Variants in SCAF8 observed in about 807,000 individuals in gnomAD.
SCAF8 encodes SR-related and CTD-associated factor 8.
SCAF8 carries 23 observed loss-of-function variants against 140.5 expected under a neutral mutation model. That is an observed-to-expected ratio of 0.16 (90% CI 0.12 to 0.23). The LOEUF is 0.23. Ranked by LOEUF, SCAF8 falls within the 10% of genes least tolerant of loss-of-function variation. The pLI, the probability that SCAF8 is intolerant of heterozygous loss-of-function variation, is 1.00. For synonymous variants in SCAF8, 575 were observed against 528.9 expected (o/e 1.09, Z -1.20); for missense variants, 1,397 against 1,555.7 (o/e 0.90, Z 1.72).
chr6:154,814,193 C>T lies in SCAF8; in HGVS notation c.1421-1523C>T, dbSNP rs561770558. ...AACAAAAATTAGCTGAGCATGATGA[C>T]GCACACCTGTAGTCCCAGTTACTCG... On this transcript the variant is annotated intron_variant, in intron 12 of 19. Coordinates refer to ENST00000367178, the MANE Select transcript of SCAF8 (RefSeq NM_014892.5). Among the ~76,000 whole-genome samples, 29 of 152,246 alleles carry T rather than the reference C, an allele frequency of 1.9e-4. 1 individual carries two copies. The South Asian group carries it at 5.8e-3, about 30-fold the overall frequency.
chr6:154,810,170 A>G lies in SCAF8; in HGVS notation c.1382A>G (p.Lys461Arg), dbSNP rs1177864836. 2.5e-6 allele frequency: 4 copies of G among 1,613,160 alleles called. No homozygotes were observed. Among genetic ancestry groups the G allele is most frequent in the Non-Finnish European group, 3.4e-6 (4 of 1,179,702 alleles). The stretch of plus-strand genomic sequence containing the variant: ...AGAGAAAGGGAGAAAGAACGACAGA[A>G]AAAGGGATTACCTCCAATTAGATCT... ...RAREREKERQKKGLPPIRSKT... is the reference protein window; with the variant it reads ...RAREREKERQRKGLPPIRSKT... Residue 461 changes from lysine (K) to arginine (R), a missense_variant, in exon 12 of 20, where the codon AAA becomes AGA. Physicochemically the swap from Lys to Arg is conservative, Grantham distance 26. Transcript: ENST00000367178.
chr6:154,768,272 G>A (rs1776639050), intron 1 of SCAF8, among the ~76,000 whole-genome samples: 1 of 152,150 alleles, frequency 6.6e-6, no homozygotes, highest in South Asian at 2.1e-4. Flanking sequence ...TTTGCTTCTT[G>A]AGAGCACCTT....
At chr6:154,766,357 A>G (rs1219233094) in intron 1 of SCAF8, among the ~76,000 whole-genome samples, 3 of 152,178 alleles carry the variant, frequency 2.0e-5, no homozygotes, top group Non-Finnish European at 4.4e-5. Flanking sequence ...AAATGTTTCT[A>G]TACCATGGCA....
intron 1 of SCAF8, among the ~76,000 whole-genome samples, chr6:154,765,686 C>T (rs977486241): frequency 9.1e-6 from 1 of 109,652 alleles, no homozygotes; most frequent in Non-Finnish European, 1.7e-5. Flanking sequence ...TCTCTAATTT[C>T]TGGATTTAAG....
intron 1 of SCAF8, among the ~76,000 whole-genome samples, chr6:154,749,301 T>C (rs1778783511): frequency 6.6e-6 from 1 of 152,196 alleles, no homozygotes; most frequent in African/African-American, 2.4e-5. Flanking sequence ...AATTACAAAA[T>C]AATTTTTGAG....
In SCAF8 at chr6:154,782,226, G is replaced by A. The variant is rs192958313; in HGVS notation, c.159+4181G>A. On this transcript the variant is annotated intron_variant, in intron 3 of 19. Coordinates refer to ENST00000367178, the MANE Select transcript of SCAF8 (RefSeq NM_014892.5). ...TTTGAGACCAGCCTGGGCAAACGTG[G>A]CAAAACCCTGTCCCAGCCTAAAAAC... Among the ~76,000 whole-genome samples the A allele has an allele frequency of 5.9e-5, 9 of 152,246 alleles. No homozygotes were observed. The East Asian group carries it at 1.5e-3, about 26-fold the overall frequency.
chr6:154,740,931 T>A (rs1378922469), intron 1 of SCAF8, among the ~76,000 whole-genome samples: 4 of 152,132 alleles, frequency 2.6e-5, no homozygotes, highest in African/African-American at 4.8e-5. Context: ...TAAGTAAAGA[T>A]TTCTTGAATG....
chr6:154,793,632 T>C (rs1777491656), intron 5 of SCAF8, among the ~76,000 whole-genome samples: 1 of 151,520 alleles, frequency 6.6e-6, no homozygotes, highest in Non-Finnish European at 1.5e-5. Context: ...CTGGCCAATA[T>C]AGTGAAACCC....
At chr6:154,740,585 A>G (rs989084665) in intron 1 of SCAF8, among the ~76,000 whole-genome samples, 8 of 151,492 alleles carry the variant, frequency 5.3e-5, no homozygotes, top group Non-Finnish European at 7.4e-5. Context: ...AATATACAGT[A>G]TATATGTGAA....
At chr6:154,745,571 G>A (rs1354603539) in intron 1 of SCAF8, among the ~76,000 whole-genome samples, 2 of 151,932 alleles carry the variant, frequency 1.3e-5, no homozygotes, top group African/African-American at 4.8e-5. Flanking sequence ...GAGGAGGTCG[G>A]GCTATGTTGC....
intron 4 of SCAF8, among the ~76,000 whole-genome samples, chr6:154,790,255 TA>T (rs1359064820): frequency 2.0e-5 from 3 of 152,132 alleles, no homozygotes; most frequent in Non-Finnish European, 4.4e-5. Context: ...CAGAAGAACA[TA>T]AGGCATTTTC....
chr6:154,774,882 T>C (rs1776873498), intron 2 of SCAF8, among the ~76,000 whole-genome samples: 1 of 152,206 alleles, frequency 6.6e-6, no homozygotes, highest in Admixed American at 6.5e-5. Flanking sequence ...CATAGATTTT[T>C]CCCCGAGAAG....
At chr6:154,796,157 CAT>C (rs1323842327) in intron 6 of SCAF8, among the ~76,000 whole-genome samples, 1 of 152,106 alleles carries the variant, frequency 6.6e-6, no homozygotes, top group African/African-American at 2.4e-5. Flanking sequence ...TTTTCAGACT[CAT>C]AGAAATACCT....
rs1391954738 is a variant in SCAF8 at position 154,831,202 on chromosome 6, T to C, written c.2359+62T>C. 5.9e-6 allele frequency: 6 copies of C among 1,019,046 alleles called. No homozygotes were observed. The East Asian group carries it at 1.6e-4, about 27-fold the overall frequency. The allele number at this position is 1,019,046 out of a possible 1,614,324, so 63.1% of individuals were successfully genotyped here. A position where few individuals can be genotyped will look rare whatever the true frequency, so the allele number is the denominator to read the frequency against. On this transcript the variant is annotated intron_variant, in intron 19 of 19. Transcript: ENST00000367178. Reference sequence around the variant, plus strand: ...CCTCTCTGTATTTGGTGTTTAATTCTGGGGTGGCATGCGTTTGTAACCACT... The same window carrying C: ...CCTCTCTGTATTTGGTGTTTAATTCCGGGGTGGCATGCGTTTGTAACCACT...
intron 6 of SCAF8, among the ~76,000 whole-genome samples, chr6:154,799,871 G>A (rs1395538644): frequency 6.6e-6 from 1 of 150,978 alleles, no homozygotes; most frequent in African/African-American, 2.4e-5. Flanking sequence ...TGCAACCTTG[G>A]CCTCCCGGGT....
At chr6:154,739,733 C>T (rs1430512085) in intron 1 of SCAF8, among the ~76,000 whole-genome samples, 2 of 152,162 alleles carry the variant, frequency 1.3e-5, no homozygotes, top group Admixed American at 1.3e-4. Context: ...ATATCCACTA[C>T]ATTTTTCTGT....
rs530915822 is a variant in SCAF8, at chr6:154,768,597, A to G, written c.31-5392A>G. 7.2e-5 allele frequency among the ~76,000 whole-genome samples: 11 copies of G among 152,330 alleles called. 1 individual carries two copies. Among genetic ancestry groups the G allele is most frequent in the African/African-American group, 2.6e-4 (11 of 41,574 alleles). On this transcript the variant is annotated intron_variant, in intron 1 of 19. Coordinates refer to ENST00000367178, the MANE Select transcript of SCAF8 (RefSeq NM_014892.5). ...GTTTCTCTCTCCTGTGAATGGCGCT[A>G]TGTATGTTTGTAAATGATAAACTAA...
At chr6:154,764,794 C>T (rs982085879) in intron 1 of SCAF8, among the ~76,000 whole-genome samples, 2 of 152,156 alleles carry the variant, frequency 1.3e-5, no homozygotes, top group Non-Finnish European at 2.9e-5. Context: ...AATCAGCTTT[C>T]ATTCTTTTTC....
intron 11 of SCAF8, among the ~76,000 whole-genome samples, 184 bp from the exon 12 acceptor site, chr6:154,809,831 C>A (rs1215453686): frequency 6.6e-6 from 1 of 152,144 alleles, no homozygotes; most frequent in African/African-American, 2.4e-5. Context: ...TAATATGGAC[C>A]TAAGCAGCAC....
Sources: allele counts gnomAD v4.1 joint callset (sites outside exome capture counted in the v4.1 genomes callset), GRCh38; gene constraint gnomAD v4.1.1; transcripts MANE v1.5; gene names NCBI Gene and HGNC (gene_info 2026-07-23, HGNC 2026-07-21).